The following DLGAP2 variants were observed in gnomAD, a reference collection of about 807,000 sequenced individuals.
DLGAP2 encodes the protein DLG associated protein 2.
DLGAP2 carries 26 observed loss-of-function variants against 100.3 expected under a neutral mutation model. The observed-to-expected ratio is 0.26, with a 90% CI of 0.19 to 0.36. The LOEUF (loss-of-function observed/expected upper bound fraction) is 0.36, where lower values mean the gene tolerates loss of function less well. Among genes scored for constraint, DLGAP2 ranks in the 10% least tolerant of loss-of-function variants. The probability of loss-of-function intolerance (pLI) is 1.00; values close to 1 mark genes in which losing one functional copy is unlikely to be tolerated. For synonymous variants in DLGAP2, 886 were observed against 630.1 expected (o/e 1.41, Z -6.08); for missense variants, 1,858 against 1,453.2 (o/e 1.28, Z -4.53).
intron 6 of DLGAP2, among the ~76,000 whole-genome samples, chr8:1,570,058 A>T (rs1802592870): frequency 6.6e-6 from 1 of 152,232 alleles, no homozygotes; most frequent in South Asian, 2.1e-4. Context: ...GTCACTCTGT[A>T]ACCCTGTGTT....
At chr8:1,296,118 G>C (rs1005655041) in intron 3 of DLGAP2, 1 of 152,158 alleles carries the variant, frequency 6.6e-6, no homozygotes, top group Non-Finnish European at 1.5e-5. Context: ...ATTTTCAGAA[G>C]GGTGCTTTGC....
chr8:1,671,530 C>CGGGGCGG (rs1798689958), intron 10 of DLGAP2, among the ~76,000 whole-genome samples: 1 of 152,208 alleles, frequency 6.6e-6, no homozygotes, highest in African/African-American at 2.4e-5. Context: ...GGTCCTGTCC[C>CGGGGCGG]GGGGTGGGGG....
chr8:1,258,877 C>T lies in DLGAP2; in HGVS notation c.100C>T (p.Pro34Ser). 2 of 1,231,766 alleles carry T rather than the reference C, an allele frequency of 1.6e-6. No individual in the cohort carries two copies. The highest frequency in any genetic ancestry group is 2.0e-6 in the Non-Finnish European group (2 of 988,006). 76.3% of individuals were successfully genotyped at this position (1,231,766 alleles called of 1,614,324 possible). Residue 34 changes from proline (P) to serine (S), a missense_variant, in exon 3 of 15, where the codon CCG becomes TCG. Coordinates refer to ENST00000637795, the MANE Select transcript of DLGAP2 (RefSeq NM_001346810.2). ...TESQCTLCGE[P>S]EEEEAGDLVQ... ...GTCGCAGTGCACGCTCTGCGGGGAGCCGGAAGGTGAGTACCTGACATGCTG... is the reference window on the plus strand; with the variant it reads ...GTCGCAGTGCACGCTCTGCGGGGAGTCGGAAGGTGAGTACCTGACATGCTG...
intron 3 of DLGAP2, among the ~76,000 whole-genome samples, chr8:1,267,637 G>GAAAAAAAATAAAATAAAA (rs1382093781): frequency 1.1e-5 from 1 of 91,980 alleles, no homozygotes; most frequent in Admixed American, 1.1e-4. Context: ...TATTAAATAG[G>GAAAAAAAATAAAATAAAA]TCTACAAAAA....
At chr8:1,459,976 G>A (rs542306167) in intron 3 of DLGAP2, among the ~76,000 whole-genome samples, 2 of 152,276 alleles carry the variant, frequency 1.3e-5, no homozygotes, top group African/African-American at 2.4e-5. Context: ...AGAGGTTCGG[G>A]ACCTCGGGTG....
chr8:1,515,919 A>ATGGATGAGTGAG (rs1256403374), intron 4 of DLGAP2, among the ~76,000 whole-genome samples: 4 of 152,214 alleles, frequency 2.6e-5, no homozygotes, highest in African/African-American at 7.2e-5. Flanking sequence ...AGTTCCCTTA[A>ATGGATGAGTGAG]TGGATGAGTG....
At chr8:1,424,723 G>C (rs1391343963) in intron 3 of DLGAP2, among the ~76,000 whole-genome samples, 1 of 152,194 alleles carries the variant, frequency 6.6e-6, no homozygotes, top group East Asian at 1.9e-4. Flanking sequence ...ATAGGACAAG[G>C]ATGGTGTGAT....
At chr8:1,220,267 A>G (rs976713448) in intron 2 of DLGAP2, among the ~76,000 whole-genome samples, 3 of 152,130 alleles carry the variant, frequency 2.0e-5, no homozygotes, top group Non-Finnish European at 4.4e-5. Context: ...TTTCCTCTTA[A>G]CACTGCTTTA....
intron 3 of DLGAP2, among the ~76,000 whole-genome samples, chr8:1,287,283 G>GTT (rs1563062117): frequency 5.7e-4 from 4 of 7,034 alleles, no homozygotes; most frequent in African/African-American, 1.7e-3. Context: ...TGTGTGTGTG[G>GTT]TTGTTAGGAG....
chr8:997,986 AAC>A (rs1291630665), intron 2 of DLGAP2, among the ~76,000 whole-genome samples: 23 of 140,746 alleles, frequency 1.6e-4, no homozygotes. Flanking sequence ...TACATGCACA[AAC>A]ACGTGCACAC....
chr8:1,045,477 C>A (rs184207671), intron 2 of DLGAP2, among the ~76,000 whole-genome samples: 1 of 152,214 alleles, frequency 6.6e-6, no homozygotes, highest in Admixed American at 6.5e-5. Context: ...ATGCATTACT[C>A]ACACACTATC....
chr8:1,493,538 C>G (rs994911895), intron 3 of DLGAP2, among the ~76,000 whole-genome samples: 3 of 152,342 alleles, frequency 2.0e-5, no homozygotes, highest in South Asian at 2.1e-4. Context: ...AGAGACACAC[C>G]TGAACGTGTG....
intron 1 of DLGAP2, among the ~76,000 whole-genome samples, chr8:744,756 A>C (rs1345876864): frequency 6.6e-6 from 1 of 152,110 alleles, no homozygotes; most frequent in Non-Finnish European, 1.5e-5. Flanking sequence ...GCTGTGCCCC[A>C]GCAACACTCT....
intron 12 of DLGAP2, among the ~76,000 whole-genome samples, chr8:1,682,721 C>A (rs554998311): frequency 6.6e-6 from 1 of 151,366 alleles, no homozygotes; most frequent in Non-Finnish European, 1.5e-5. Flanking sequence ...TGATCTGCCC[C>A]CCTTGCCCTT....
intron 8 of DLGAP2, among the ~76,000 whole-genome samples, chr8:1,634,757 CTT>C (rs1797729311): frequency 6.6e-6 from 1 of 152,114 alleles, no homozygotes; most frequent in South Asian, 2.1e-4. Context: ...TAGAAAAGGA[CTT>C]TATTGTTTTT....
At chr8:842,407 G>A (rs971568648) in intron 1 of DLGAP2, among the ~76,000 whole-genome samples, 6 of 152,174 alleles carry the variant, frequency 3.9e-5, no homozygotes, top group Non-Finnish European at 7.3e-5. Flanking sequence ...CTAACACAAT[G>A]CTGTTGAACA....
chr8:854,631 GTC>G (rs1040640021), intron 1 of DLGAP2, among the ~76,000 whole-genome samples: 1 of 152,224 alleles, frequency 6.6e-6, no homozygotes, highest in Non-Finnish European at 1.5e-5. Context: ...GCATGTACGT[GTC>G]TTTTTGTGTG....
chr8:1,059,806 C>T (rs2129034833), intron 2 of DLGAP2, among the ~76,000 whole-genome samples: 1 of 152,284 alleles, frequency 6.6e-6, no homozygotes, highest in Middle Eastern at 3.4e-3. Flanking sequence ...CAGACAGAGA[C>T]ACGCCTCTTG....
intron 2 of DLGAP2, among the ~76,000 whole-genome samples, chr8:1,085,057 C>T (rs1803930131): frequency 2.0e-5 from 3 of 152,306 alleles, no homozygotes; most frequent in Non-Finnish European, 2.9e-5. Context: ...AATAGCCATT[C>T]GAACAAGTGT....
Sources: gnomAD v4.1 joint callset for allele counts (sites outside exome capture counted in the v4.1 genomes callset) on GRCh38, gnomAD v4.1.1 for gene constraint, MANE v1.5 for transcripts, NCBI Gene and HGNC (gene_info 2026-07-23, HGNC 2026-07-21) for gene names.